CSNK1G2: variants seen among roughly 807,000 people sequenced by gnomAD.
CSNK1G2 encodes the protein casein kinase 1 gamma 2, also known as casein kinase I isoform gamma-2.
In CSNK1G2, 11 loss-of-function variants were observed where a neutral mutation model predicts 48.0. The ratio of observed to expected loss-of-function variants is 0.23; its 90% CI spans 0.14 to 0.38. CSNK1G2 has a LOEUF of 0.38. CSNK1G2 is among the 10% of genes least tolerant of loss of function. CSNK1G2 has a pLI of 1.00. For synonymous variants in CSNK1G2, 337 were observed against 254.1 expected, an observed-to-expected ratio of 1.33 and a Z score of -3.10; for missense variants, 446 against 595.5, an observed-to-expected ratio of 0.75 and a Z score of 2.61.
At chr19:1,964,051 A>C (rs2015286811) in intron 1 of CSNK1G2, among the ~76,000 whole-genome samples, 1 of 152,078 alleles carries the variant, frequency 6.6e-6, no homozygotes, top group African/African-American at 2.4e-5. Flanking sequence ...TCCTGACCTC[A>C]GGTGATCCCA....
chr19:1,957,912 CT>C lies in CSNK1G2; in HGVS notation c.-265-11595del, dbSNP rs1166161627. Among the ~76,000 whole-genome samples the C allele has an allele frequency of 2.0e-5, 3 of 152,078 alleles. No homozygotes were observed. Among genetic ancestry groups the C allele is most frequent in the Non-Finnish European group, 4.4e-5 (3 of 67,972 alleles). ...TGGCACGGCCACTGCTTAGGGCCCC[CT>C]GGAGCTGCGGGGCACACGGCAGAGC... On this transcript the variant is annotated intron_variant, in intron 1 of 11. Coordinates refer to ENST00000255641, the MANE Select transcript of CSNK1G2 (RefSeq NM_001319.7). This position sits in a 1 kb window ranked among gnomAD's most constrained non-coding sequence, Gnocchi z 5.4.
At chr19:1,946,576 C>G (rs890672835) in intron 1 of CSNK1G2, among the ~76,000 whole-genome samples, 1 of 147,290 alleles carries the variant, frequency 6.8e-6, no homozygotes, top group Non-Finnish European at 1.5e-5. Flanking sequence ...CAGGCGTGAG[C>G]CACCGCGCCC....
At chr19:1,962,978 A>G (rs2015248298) in intron 1 of CSNK1G2, among the ~76,000 whole-genome samples, 1 of 152,000 alleles carries the variant, frequency 6.6e-6, no homozygotes, top group Non-Finnish European at 1.5e-5. Flanking sequence ...GCACTGGAAC[A>G]CAACCCAGCC....
In CSNK1G2 at chr19:1,975,024, T is replaced by C. The variant is rs560896642; in HGVS notation, c.188-3281T>C. 3 of 978,906 alleles carry C rather than the reference T, an allele frequency of 3.1e-6. No individual in the cohort carries two copies. In the African/African-American group the frequency reaches 5.2e-5, roughly 17 times the overall value. The allele number at this position is 978,906 out of a possible 1,614,324, so 60.6% of individuals were successfully genotyped here. A position where few individuals can be genotyped will look rare whatever the true frequency, so the allele number is the denominator to read the frequency against. On this transcript the variant is annotated intron_variant, in intron 2 of 11. Transcript: ENST00000255641. ...CTGCAGATCCACAGGCCTCAGATGC[T>C]GCCACACCCACCCAGCACACACCCA...
intron 1 of CSNK1G2, among the ~76,000 whole-genome samples, chr19:1,964,465 A>G (rs2015301477): frequency 6.6e-6 from 1 of 152,142 alleles, no homozygotes; most frequent in Non-Finnish European, 1.5e-5. Flanking sequence ...CTCGTGTGGA[A>G]GAAGCGGTTC....
chr19:1,941,858 C>A (rs1175952658), intron 1 of CSNK1G2, among the ~76,000 whole-genome samples: 3 of 150,632 alleles, frequency 2.0e-5, no homozygotes, highest in African/African-American at 7.3e-5. Flanking sequence ...CCCCACCCCA[C>A]CTCCCGCCTT....
At chr19:1,946,828 G>A (rs1024284536) in intron 1 of CSNK1G2, among the ~76,000 whole-genome samples, 1 of 151,364 alleles carries the variant, frequency 6.6e-6, no homozygotes, top group Non-Finnish European at 1.5e-5. Context: ...AGCCAGGATG[G>A]TCTCCATCTC....
In CSNK1G2 at chr19:1,957,656, G is replaced by A. The variant is rs1482383067; in HGVS notation, c.-265-11852G>A. On this transcript the variant is annotated intron_variant, in intron 1 of 11. Coordinates refer to ENST00000255641, the MANE Select transcript of CSNK1G2 (RefSeq NM_001319.7). The surrounding 1 kb of genome is among the most constrained non-coding windows in gnomAD (Gnocchi z 5.4). ...TTTCACAGCTCACCACACAGGCAGA[G>A]ACTGGAGGGTGCGCAGGACCCCGGG... is the stretch of plus-strand genomic sequence containing the variant. Among the ~76,000 whole-genome samples the A allele has an allele frequency of 2.0e-5, 3 of 152,322 alleles. No individual in the cohort carries two copies.
In CSNK1G2 at chr19:1,957,596, C is replaced by T. The variant is rs2015042108; in HGVS notation, c.-265-11912C>T. 1.3e-5 allele frequency among the ~76,000 whole-genome samples: 2 copies of T among 152,334 alleles called. No homozygotes were observed. Among genetic ancestry groups the T allele is most frequent in the Middle Eastern group, 3.4e-3 (1 of 294 alleles). On this transcript the variant is annotated intron_variant, in intron 1 of 11. Transcript: ENST00000255641. This position sits in a 1 kb window ranked among gnomAD's most constrained non-coding sequence, Gnocchi z 5.4. Reference sequence around the variant, plus strand: ...TTTGCCCCTGCAGGTCCCCCATGTCCCCTCGCCCGGGGCGCGCTCCACAGG... The same window carrying T: ...TTTGCCCCTGCAGGTCCCCCATGTCTCCTCGCCCGGGGCGCGCTCCACAGG...
rs758042298 is a variant in CSNK1G2, at chr19:1,978,769, G to A, written c.447+19G>A. 33 of 1,571,700 alleles carry A rather than the reference G, an allele frequency of 2.1e-5. No individual in the cohort carries two copies. The highest frequency in any genetic ancestry group is 4.7e-5 in the East Asian group (2 of 42,752). Reference sequence around the variant, plus strand: ...CCAGCTGGTGCGCGGCGGGCGGGGCGGGGCGGGGCTCGGAGGGAAGAGGGT... The same window carrying A: ...CCAGCTGGTGCGCGGCGGGCGGGGCAGGGCGGGGCTCGGAGGGAAGAGGGT... On this transcript the variant is annotated intron_variant, in intron 5 of 11. Coordinates refer to ENST00000255641, the MANE Select transcript of CSNK1G2 (RefSeq NM_001319.7). This position sits in a 1 kb window ranked among gnomAD's most constrained non-coding sequence, Gnocchi z 7.3.
chr19:1,979,640 C>A lies in CSNK1G2; in HGVS notation c.999C>A (p.Pro333=). 6.2e-7 allele frequency: 1 copy of A among 1,603,272 alleles called. No homozygotes were observed. The highest frequency in any genetic ancestry group is 8.5e-7 in the Non-Finnish European group (1 of 1,179,800). Residue 333 remains proline (P), a synonymous_variant, in exon 9 of 12, where the codon CCC becomes CCA. Coordinates refer to ENST00000255641, the MANE Select transcript of CSNK1G2 (RefSeq NM_001319.7). ...ATGAGTACGACTGGGCCGGGAAGCC[C>A]CTGGTAGGTGGGGGGGTGCCGGTAT... is the stretch of plus-strand genomic sequence containing the variant. The part of the protein sequence containing the change: ...FDYEYDWAGK[P]LPTPIGTVHT...
chr19:1,957,427 C>A lies in CSNK1G2; in HGVS notation c.-265-12081C>A, dbSNP rs2015036174. 6.6e-6 allele frequency among the ~76,000 whole-genome samples: 1 copy of A among 152,180 alleles called. No homozygotes were observed. Among genetic ancestry groups the A allele is most frequent in the Non-Finnish European group, 1.5e-5 (1 of 68,026 alleles). Reference sequence around the variant, plus strand: ...AACCAAGTGCTGAGCAGAGAGCAGCCTGGGAGAGAAGGGGGCTGCCCCGAG... The same window carrying A: ...AACCAAGTGCTGAGCAGAGAGCAGCATGGGAGAGAAGGGGGCTGCCCCGAG... On this transcript the variant is annotated intron_variant, in intron 1 of 11. Coordinates refer to ENST00000255641, the MANE Select transcript of CSNK1G2 (RefSeq NM_001319.7). The surrounding 1 kb of genome is among the most constrained non-coding windows in gnomAD (Gnocchi z 5.4).
chr19:1,948,985 C>G (rs2014669717), intron 1 of CSNK1G2, among the ~76,000 whole-genome samples: 1 of 152,132 alleles, frequency 6.6e-6, no homozygotes, highest in Admixed American at 6.6e-5. Flanking sequence ...AAGCCTCTGT[C>G]CTCGTCGTGT....
At chr19:1,947,904 C>T (rs548512975) in intron 1 of CSNK1G2, among the ~76,000 whole-genome samples, 47 of 152,188 alleles carry the variant, frequency 3.1e-4, no homozygotes, top group Middle Eastern at 3.4e-3. Flanking sequence ...CCTTGGACCT[C>T]GCCCGCGGCC....
At chr19:1,971,192 G>A (rs1017497950) in intron 2 of CSNK1G2, among the ~76,000 whole-genome samples, 2 of 152,256 alleles carry the variant, frequency 1.3e-5, no homozygotes, top group Non-Finnish European at 2.9e-5. Context: ...TCTCCCAGGC[G>A]AGGGCAGCTG....
chr19:1,945,178 G>A (rs1177943264), intron 1 of CSNK1G2, among the ~76,000 whole-genome samples: 1 of 152,226 alleles, frequency 6.6e-6, no homozygotes, highest in South Asian at 2.1e-4. Context: ...ACCAGCCTGT[G>A]CGCCCGCAAG....
At chr19:1,953,034 T>C in intron 1 of CSNK1G2, 3 of 399,270 alleles carry the variant, frequency 7.5e-6, no homozygotes, top group Non-Finnish European at 1.5e-5. Flanking sequence ...ACAAAGGAAA[T>C]GTAGAAACGC....
At chr19:1,974,243 T>C (rs370638282) in intron 2 of CSNK1G2, among the ~76,000 whole-genome samples, 5 of 152,272 alleles carry the variant, frequency 3.3e-5, no homozygotes, top group African/African-American at 1.2e-4. Flanking sequence ...TGGAGGCTGG[T>C]GAGCCCCAGA....
intron 2 of CSNK1G2, among the ~76,000 whole-genome samples, chr19:1,974,288 T>C (rs534476392): frequency 2.0e-5 from 3 of 152,116 alleles, no homozygotes; most frequent in South Asian, 2.1e-4. Flanking sequence ...CTTCTTGCCA[T>C]GTCATGGCAA....
Sources: allele counts gnomAD v4.1 joint callset (sites outside exome capture counted in the v4.1 genomes callset), GRCh38; gene constraint gnomAD v4.1.1; non-coding constraint Gnocchi (gnomAD v3.1); transcripts MANE v1.5; gene names NCBI Gene and HGNC (gene_info 2026-07-23, HGNC 2026-07-21).